The following SLC25A23 variants were observed in gnomAD, a reference collection of about 807,000 sequenced individuals.
SLC25A23 encodes mitochondrial adenyl nucleotide antiporter SLC25A23.
A neutral mutation model predicts 53.9 loss-of-function variants in SLC25A23; 32 were observed. The observed-to-expected ratio is 0.59, with a 90% CI of 0.45 to 0.80. The LOEUF (loss-of-function observed/expected upper bound fraction) is 0.80. SLC25A23 is among the 30% of genes least tolerant of loss of function. The probability of loss-of-function intolerance (pLI) is 0.00; values close to 1 mark genes in which losing one functional copy is unlikely to be tolerated. For missense variants in SLC25A23, 575 were observed against 651.4 expected, an observed-to-expected ratio of 0.88 and a Z score of 1.28; for synonymous variants, 275 against 264.5, an observed-to-expected ratio of 1.04 and a Z score of -0.38.
chr19:6,449,073 A>G (rs561250239), intron 8 of SLC25A23, among the ~76,000 whole-genome samples: 35 of 152,060 alleles, frequency 2.3e-4, no homozygotes, highest in African/African-American at 6.7e-4. Context: ...TGTGGCCAGC[A>G]CTGGGTTAAA....
At chr19:6,456,365 C>T (rs1471131634) in intron 4 of SLC25A23, 55 bp downstream of exon 4, 14 of 1,547,106 alleles carry the variant, frequency 9.0e-6, no homozygotes, top group Middle Eastern at 1.7e-4. Flanking sequence ...CGGAGCAAGG[C>T]CCCCCTGGGG....
intron 8 of SLC25A23, among the ~76,000 whole-genome samples, chr19:6,445,140 G>A (rs1312098668): frequency 2.1e-5 from 3 of 145,806 alleles, no homozygotes; most frequent in African/African-American, 5.1e-5. Context: ...ACGGAGTTTC[G>A]TTCTCGTTGC....
downstream of SLC25A23, chr19:6,436,192 G>C (rs2092312114): frequency 7.4e-6 from 2 of 271,448 alleles, no homozygotes; most frequent in Non-Finnish European, 1.5e-5. Flanking sequence ...CATATTCTGA[G>C]CATTAGGAAC....
chr19:6,439,392 C>A (rs1267984999), downstream of SLC25A23, among the ~76,000 whole-genome samples: 1 of 134,494 alleles, frequency 7.4e-6, no homozygotes, highest in Non-Finnish European at 1.5e-5. Context: ...CTATCTCTCT[C>A]TCTCTCTCAC....
At chr19:6,445,529 T>C (rs1268406966) in intron 8 of SLC25A23, among the ~76,000 whole-genome samples, 1 of 152,050 alleles carries the variant, frequency 6.6e-6, no homozygotes, top group Admixed American at 6.6e-5. Flanking sequence ...AGCCAAGGAG[T>C]GCAGGCGGCC....
chr19:6,447,227 C>G (rs1218438064), intron 8 of SLC25A23, among the ~76,000 whole-genome samples: 1 of 152,204 alleles, frequency 6.6e-6, no homozygotes, highest in African/African-American at 2.4e-5. Context: ...TGTCTCATTA[C>G]CTCCCCAATA....
rs2092481007 is a variant in SLC25A23 at position 6,444,936 on chromosome 19, G to T, written c.1072-635C>A. On this transcript the variant is annotated intron_variant, in intron 8 of 9. Transcript: ENST00000301454. ...CCTGCCTCAGCCTCTCAAAGTGCTGGGATTACAGGAATGAGCCACAGTACC... is the reference window on the plus strand; with the variant it reads ...CCTGCCTCAGCCTCTCAAAGTGCTGTGATTACAGGAATGAGCCACAGTACC... 2.0e-5 allele frequency among the ~76,000 whole-genome samples: 3 copies of T among 152,014 alleles called. No homozygotes were observed. The South Asian group carries it at 6.2e-4, about 32-fold the overall frequency.
intron 4 of SLC25A23, chr19:6,456,093 C>G: frequency 7.2e-7 from 1 of 1,385,392 alleles, no homozygotes; most frequent in Non-Finnish European, 9.5e-7. Context: ...CAGAAGAGAG[C>G]TGTGTGGGTG....
Position 6,454,849 on chromosome 19 carries a change from C to A in SLC25A23, c.484-132G>T. On this transcript the variant is annotated intron_variant, in intron 4 of 9. Coordinates refer to ENST00000301454, the MANE Select transcript of SLC25A23 (RefSeq NM_024103.3). This position sits in a 1 kb window ranked among gnomAD's most constrained non-coding sequence, Gnocchi z 4.3. ...CTGCCAATGACTCTTGCTTGGAGACCCCAGAAGAGTCCTGTTGGGTCCTAC... is the reference window on the plus strand; with the variant it reads ...CTGCCAATGACTCTTGCTTGGAGACACCAGAAGAGTCCTGTTGGGTCCTAC... 1 of 1,086,814 alleles carries A rather than the reference C, an allele frequency of 9.2e-7. No homozygotes were observed. The allele number at this position is 1,086,814 out of a possible 1,614,324, so 67.3% of individuals were successfully genotyped here.
At position 6,454,052 on chromosome 19, in the gene SLC25A23, G is replaced by A. The variant is rs771725226; in HGVS notation, c.832C>T (p.His278Tyr). The stretch of plus-strand genomic sequence containing the variant: ...CCAGCCACGAAGCGCTCCTGCACAT[G>A]CAGTGTCTCCTGCTGCCCCAGGATG... ...RAILGQQETL[H>Y]VQERFVAGSL... Residue 278 changes from histidine to tyrosine, a missense_variant, in exon 7 of 10, where the codon CAT becomes TAT. His to Tyr is a moderately conservative substitution (Grantham distance 83). Coordinates refer to ENST00000301454, the MANE Select transcript of SLC25A23 (RefSeq NM_024103.3). This position sits in a 1 kb window ranked among gnomAD's most constrained non-coding sequence, Gnocchi z 4.3. The A allele has an allele frequency of 1.3e-5, 21 of 1,613,588 alleles. No individual in the cohort carries two copies. The highest frequency in any genetic ancestry group is 1.5e-5 in the Non-Finnish European group (18 of 1,179,952).
At chr19:6,457,338 G>A (rs368813187) in intron 3 of SLC25A23, among the ~76,000 whole-genome samples, 165 bp downstream of exon 3, 1 of 151,964 alleles carries the variant, frequency 6.6e-6, no homozygotes, top group East Asian at 1.9e-4. Flanking sequence ...AAGTGCTGGG[G>A]TTACAGATGT....
chr19:6,458,282 C>A lies in SLC25A23; in HGVS notation c.199G>T (p.Asp67Tyr). ...EGDADPDGGL[D>Y]LEEFSRYLQE... ...AGATAGCGGGAAAATTCCTCCAGGT[C>A]GAGCCCGCCATCTGGGTCAGCATCA... is the stretch of plus-strand genomic sequence containing the variant. Residue 67 changes from aspartate to tyrosine, a missense_variant, in exon 2 of 10, where the codon GAC (aspartate) becomes TAC (tyrosine). Physicochemically the swap from Asp to Tyr is radical, Grantham distance 160. Transcript: ENST00000301454. 7.4e-6 allele frequency: 12 copies of A among 1,613,332 alleles called. No homozygotes were observed. Among genetic ancestry groups the A allele is most frequent in the Non-Finnish European group, 9.3e-6 (11 of 1,179,960 alleles).
At position 6,454,921 on chromosome 19, in the gene SLC25A23, C is replaced by T. The variant is rs766952007; in HGVS notation, c.484-204G>A. Among the ~76,000 whole-genome samples the T allele has an allele frequency of 1.3e-5, 2 of 152,144 alleles. No individual in the cohort carries two copies. The highest frequency in any genetic ancestry group is 2.9e-5 in the Non-Finnish European group (2 of 68,024). On this transcript the variant is annotated intron_variant, in intron 4 of 9. Coordinates refer to ENST00000301454, the MANE Select transcript of SLC25A23 (RefSeq NM_024103.3). The surrounding 1 kb of genome is among the most constrained non-coding windows in gnomAD (Gnocchi z 4.3). ...ACCTAGCAGCCTCCTTAGAAGATCC[C>T]AATATCCTACTAAATCCCACCAAAG...
At chr19:6,445,059 T>C (rs1029366907) in intron 8 of SLC25A23, among the ~76,000 whole-genome samples, 8 of 152,034 alleles carry the variant, frequency 5.3e-5, no homozygotes, top group Non-Finnish European at 1.0e-4. Context: ...CCCCTCGGCC[T>C]CCCAAAGTGC....
chr19:6,454,132 A>T lies in SLC25A23; in HGVS notation c.796-44T>A. 1 of 1,578,638 alleles carries T rather than the reference A, an allele frequency of 6.3e-7. No homozygotes were observed. Among genetic ancestry groups the T allele is most frequent in the Non-Finnish European group, 8.6e-7 (1 of 1,157,936 alleles). On this transcript the variant is annotated intron_variant, in intron 6 of 9. Coordinates refer to ENST00000301454, the MANE Select transcript of SLC25A23 (RefSeq NM_024103.3). This position sits in a 1 kb window ranked among gnomAD's most constrained non-coding sequence, Gnocchi z 4.3. Reference sequence around the variant, plus strand: ...GGGATGGGTAGGACCATGGGGGTTGAACCTTCCTTGCACTCCACTGTTCTC... The same window carrying T: ...GGGATGGGTAGGACCATGGGGGTTGTACCTTCCTTGCACTCCACTGTTCTC...
At chr19:6,436,456 G>A (rs115490172), downstream of SLC25A23, 254 of 456,106 alleles carry the variant, frequency 5.6e-4, no homozygotes, top group African/African-American at 4.6e-3. Flanking sequence ...CTCATGGCAT[G>A]ACCACCGGCT....
At chr19:6,442,934 C>CT (rs1024821991) in intron 9 of SLC25A23, among the ~76,000 whole-genome samples, 6,931 of 113,100 alleles carry the variant, frequency 0.061, 527 homozygotes, top group East Asian at 0.2. Flanking sequence ...ATGCCCAGCC[C>CT]TTTTTTTTTT....
At position 6,456,454 on chromosome 19, in the gene SLC25A23, A is replaced by C; in HGVS notation, c.449T>G (p.Val150Gly). 1 of 1,613,906 alleles carries C rather than the reference A, an allele frequency of 6.2e-7. No individual in the cohort carries two copies. Among genetic ancestry groups the C allele is most frequent in the Non-Finnish European group, 8.5e-7 (1 of 1,180,004 alleles). The change falls in exon 4 of 10, where the codon GTG (valine) becomes GGG (glycine). Residue 150 changes from valine to glycine, a missense_variant. Coordinates refer to ENST00000301454, the MANE Select transcript of SLC25A23 (RefSeq NM_024103.3). ...CTTCCAGAAATACAGCACGTCCTCC[A>C]CATTTTCCAGCGAATGCAACAGGAA... ...DHFLLHSLENVEDVLYFWKHS... is the reference protein window; with the variant it reads ...DHFLLHSLENGEDVLYFWKHS...
intron 4 of SLC25A23, chr19:6,456,201 G>C: frequency 8.4e-7 from 1 of 1,195,568 alleles, no homozygotes; most frequent in Non-Finnish European, 1.1e-6. Flanking sequence ...TAAGTCTCAA[G>C]GGCTGCGCTT....
Sources: gnomAD v4.1 joint callset for allele counts (sites outside exome capture counted in the v4.1 genomes callset) on GRCh38, gnomAD v4.1.1 for gene constraint, Gnocchi (gnomAD v3.1) non-coding constraint, MANE v1.5 for transcripts, NCBI Gene and HGNC (gene_info 2026-07-23, HGNC 2026-07-21) for gene names.